Variants in UNC79 observed in about 807,000 individuals in gnomAD.
UNC79 encodes the protein unc-79 subunit of NALCN channel complex.
Under a neutral mutation model 283.1 loss-of-function variants are expected in UNC79, and 37 were observed. The ratio of observed to expected loss-of-function variants is 0.13; its 90% CI spans 0.10 to 0.17. The LOEUF is 0.17. Among genes scored for constraint, UNC79 ranks in the 10% least tolerant of loss-of-function variants. The probability of loss-of-function intolerance (pLI) is 1.00; values close to 1 mark genes in which losing one functional copy is unlikely to be tolerated. For missense variants in UNC79, 2,272 were observed against 3,211.1 expected, an observed-to-expected ratio of 0.71 and a Z score of 7.07; for synonymous variants, 1,107 against 1,200.2, an observed-to-expected ratio of 0.92 and a Z score of 1.61.
chr14:93,473,457 TA>T (rs1424121238), intron 2 of UNC79, among the ~76,000 whole-genome samples: 1 of 152,244 alleles, frequency 6.6e-6, no homozygotes, highest in Non-Finnish European at 1.5e-5. Flanking sequence ...GTATTATTTC[TA>T]AATTCATATG....
At chr14:93,661,308 T>C (rs1214569372) in intron 39 of UNC79, among the ~76,000 whole-genome samples, 1 of 152,232 alleles carries the variant, frequency 6.6e-6, no homozygotes, top group Non-Finnish European at 1.5e-5. Context: ...AATATAGGAT[T>C]GTACATGTGT....
At chr14:93,356,741 G>T (rs1218988438) in intron 1 of UNC79, among the ~76,000 whole-genome samples, 4 of 152,062 alleles carry the variant, frequency 2.6e-5, no homozygotes, top group Non-Finnish European at 4.4e-5. Context: ...AAATTTTTTT[G>T]CCACATCTGG....
At chr14:93,380,983 A>G (rs1299644700) in intron 1 of UNC79, among the ~76,000 whole-genome samples, 1 of 152,046 alleles carries the variant, frequency 6.6e-6, no homozygotes, top group Non-Finnish European at 1.5e-5. Flanking sequence ...AGTGCTTTAG[A>G]TAGTCAGTGA....
chr14:93,359,734 AAGAG>A (rs2139938010), intron 1 of UNC79, among the ~76,000 whole-genome samples: 2 of 152,346 alleles, frequency 1.3e-5, no homozygotes, highest in African/African-American at 4.8e-5. Flanking sequence ...GAATTATAAA[AAGAG>A]AGAATCATGT....
chr14:93,657,496 C>T (rs1409012410), intron 38 of UNC79, among the ~76,000 whole-genome samples: 8 of 146,186 alleles, frequency 5.5e-5, no homozygotes, highest in Non-Finnish European at 9.0e-5. Flanking sequence ...GGACTACAGG[C>T]GCCCACCACC....
upstream of UNC79, among the ~76,000 whole-genome samples, chr14:93,427,845 A>G (rs2055765538): frequency 6.6e-6 from 1 of 152,118 alleles, no homozygotes; most frequent in Non-Finnish European, 1.5e-5. Flanking sequence ...TTTTTTCTGA[A>G]AAGTAAAACA....
intron 16 of UNC79, among the ~76,000 whole-genome samples, chr14:93,574,758 A>C (rs182603824): frequency 8.5e-5 from 13 of 152,082 alleles, no homozygotes; most frequent in Admixed American, 3.3e-4. Context: ...AAAGGTGGGG[A>C]TCTAAGGCAC....
At chr14:93,595,581 G>A (rs1003137369) in intron 23 of UNC79, among the ~76,000 whole-genome samples, 1 of 152,018 alleles carries the variant, frequency 6.6e-6, no homozygotes, top group East Asian at 1.9e-4. Flanking sequence ...TCATCCACGC[G>A]GGGGCCATTC....
chr14:93,642,196 G>C (rs2069101973), intron 33 of UNC79, among the ~76,000 whole-genome samples: 1 of 152,058 alleles, frequency 6.6e-6, no homozygotes, highest in Non-Finnish European at 1.5e-5. Flanking sequence ...AGGCTGAGAT[G>C]GGTGGATCAC....
chr14:93,403,731 C>T (rs1445867858), intron 1 of UNC79, among the ~76,000 whole-genome samples: 1 of 151,974 alleles, frequency 6.6e-6, no homozygotes, highest in Non-Finnish European at 1.5e-5. Context: ...TTTTATCAAC[C>T]ACAAGAAGAA....
chr14:93,350,313 G>A (rs2053958059), intron 1 of UNC79, among the ~76,000 whole-genome samples: 1 of 152,092 alleles, frequency 6.6e-6, no homozygotes, highest in Admixed American at 6.5e-5. Flanking sequence ...AAGTAAAAGA[G>A]ATGTGAGAAA....
intron 22 of UNC79, among the ~76,000 whole-genome samples, chr14:93,590,478 G>A (rs1156912510): frequency 2.0e-5 from 3 of 152,172 alleles, no homozygotes; most frequent in Non-Finnish European, 4.4e-5. Flanking sequence ...AGGGTCGAGA[G>A]TTAGGCAGAC....
chr14:93,511,374 T>C (rs1168646575), intron 7 of UNC79, among the ~76,000 whole-genome samples: 2 of 152,192 alleles, frequency 1.3e-5, no homozygotes, highest in African/African-American at 4.8e-5. Context: ...CTCCTTTATA[T>C]CAGTTTCAGA....
chr14:93,394,545 G>GGATT (rs2054953619), intron 1 of UNC79, among the ~76,000 whole-genome samples: 1 of 151,536 alleles, frequency 6.6e-6, no homozygotes, highest in East Asian at 1.9e-4. Flanking sequence ...TGAGTAGCTG[G>GGATT]GATTACAGGC....
chr14:93,443,052 T>C (rs920643447), intron 1 of UNC79, among the ~76,000 whole-genome samples: 1 of 151,986 alleles, frequency 6.6e-6, no homozygotes, highest in African/African-American at 2.4e-5. Context: ...GGCAAAACCC[T>C]ATCTCTACTA....
intron 19 of UNC79, among the ~76,000 whole-genome samples, chr14:93,581,941 A>T (rs1453776353): frequency 5.9e-5 from 9 of 152,214 alleles, no homozygotes; most frequent in Non-Finnish European, 8.8e-5. Context: ...CAGGCCTAGG[A>T]AGATTTAATG....
rs560168242 is a variant in UNC79 at position 93,383,492 on chromosome 14, C to T, written c.-351+49969C>T. Among the ~76,000 whole-genome samples, 7 of 152,220 alleles carry T rather than the reference C, an allele frequency of 4.6e-5. No homozygotes were observed. In the East Asian group the frequency reaches 1.4e-3, roughly 29 times the overall value. Reference sequence around the variant, plus strand: ...ATATGAAAGGTAGGTTTACGCTATGCGATAGTCTGTTAACTGCACAATAGC... The same window carrying T: ...ATATGAAAGGTAGGTTTACGCTATGTGATAGTCTGTTAACTGCACAATAGC... On this transcript the variant is annotated intron_variant, in intron 1 of 49. Transcript: ENST00000256339.
At chr14:93,707,100 G>T, downstream of UNC79, 1 of 528,532 alleles carries the variant, frequency 1.9e-6, no homozygotes. Context: ...GACTCCTTGG[G>T]CTATCTGATT....
intron 1 of UNC79, among the ~76,000 whole-genome samples, chr14:93,350,689 C>G (rs960340110): frequency 2.0e-5 from 3 of 151,992 alleles, no homozygotes; most frequent in Admixed American, 2.0e-4. Flanking sequence ...ATTATATAAC[C>G]AATTTCTTTT....
Sources: gnomAD v4.1 joint callset for allele counts (sites outside exome capture counted in the v4.1 genomes callset) on GRCh38, gnomAD v4.1.1 for gene constraint, MANE v1.5 for transcripts, NCBI Gene and HGNC (gene_info 2026-07-23, HGNC 2026-07-21) for gene names.